Variants in CNTNAP2 observed in about 807,000 individuals in gnomAD.
The protein encoded by CNTNAP2 is contactin associated protein 2, also known as contactin-associated protein-like 2.
Under a neutral mutation model 155.2 loss-of-function variants are expected in CNTNAP2, and 98 were observed. That is an observed-to-expected ratio of 0.63 (90% confidence interval 0.54 to 0.75). The LOEUF is 0.75. Among genes scored for constraint, CNTNAP2 ranks in the 30% least tolerant of loss-of-function variants. The pLI, the probability that CNTNAP2 is intolerant of heterozygous loss-of-function variation, is 0.00. For synonymous variants in CNTNAP2, 651 were observed against 631.2 expected (o/e 1.03, Z -0.47); for missense variants, 1,727 against 1,688.1 (o/e 1.02, Z -0.40).
rs1353857088 is a variant in CNTNAP2, at chr7:146,190,185, C to A, written c.97+73212C>A. Among the ~76,000 whole-genome samples, 3 of 152,178 alleles carry A rather than the reference C, an allele frequency of 2.0e-5. No individual in the cohort carries two copies. In the East Asian group the frequency reaches 5.8e-4, roughly 29 times the overall value. On this transcript the variant is annotated intron_variant, in intron 1 of 23. Coordinates refer to ENST00000361727, the MANE Select transcript of CNTNAP2 (RefSeq NM_014141.6). Reference sequence around the variant, plus strand: ...TTCGTTTGTTAATTAGGAGACTGAACATTCATTTCTACTGCCTTTTATATG... The same window carrying A: ...TTCGTTTGTTAATTAGGAGACTGAAAATTCATTTCTACTGCCTTTTATATG...
At chr7:147,474,554 G>A (rs1164308097) in intron 10 of CNTNAP2, among the ~76,000 whole-genome samples, 1 of 152,008 alleles carries the variant, frequency 6.6e-6, no homozygotes, top group Non-Finnish European at 1.5e-5. Flanking sequence ...TTGCACTCCA[G>A]CCTGGGGAAC....
chr7:146,791,418 T>C lies in CNTNAP2; in HGVS notation c.208+17037T>C, dbSNP rs1336246567. Among the ~76,000 whole-genome samples, 7 of 152,226 alleles carry C rather than the reference T, an allele frequency of 4.6e-5. No homozygotes were observed. The East Asian group carries it at 1.3e-3, about 29-fold the overall frequency. ...ATAAACATACATGTGCATGTGTCTT[T>C]ATAGTAGAATGATTTATAATCCTTT... On this transcript the variant is annotated intron_variant, in intron 2 of 23. Transcript: ENST00000361727.
At chr7:147,823,519 C>G (rs569250957) in intron 13 of CNTNAP2, among the ~76,000 whole-genome samples, 1 of 152,038 alleles carries the variant, frequency 6.6e-6, no homozygotes, top group Non-Finnish European at 1.5e-5. Context: ...TATGAAGACA[C>G]GCGCCCTGAA....
chr7:146,976,593 T>C (rs1012716997), intron 3 of CNTNAP2, among the ~76,000 whole-genome samples: 1 of 152,190 alleles, frequency 6.6e-6, no homozygotes, highest in Non-Finnish European at 1.5e-5. Context: ...GGGTGAGGTA[T>C]GCAGGAAGGG....
intron 15 of CNTNAP2, among the ~76,000 whole-genome samples, chr7:148,095,884 C>T (rs550187707): frequency 1.1e-4 from 17 of 152,216 alleles, no homozygotes; most frequent in African/African-American, 3.9e-4. Context: ...CAGTGGAATG[C>T]TTTATTGCTC....
intron 21 of CNTNAP2, among the ~76,000 whole-genome samples, chr7:148,342,449 C>G (rs1206139937): frequency 6.6e-6 from 1 of 152,160 alleles, no homozygotes; most frequent in Non-Finnish European, 1.5e-5. Context: ...TTCTGTACTT[C>G]TTGTTAAGGC....
intron 3 of CNTNAP2, among the ~76,000 whole-genome samples, chr7:146,888,315 C>T (rs1451986281): frequency 1.3e-5 from 2 of 151,874 alleles, no homozygotes; most frequent in Non-Finnish European, 2.9e-5. Context: ...CTATTTTTTT[C>T]TCTCCAGAAT....
chr7:146,823,587 T>C lies in CNTNAP2; in HGVS notation c.209-16124T>C, dbSNP rs1246733984. On this transcript the variant is annotated intron_variant, in intron 2 of 23. Coordinates refer to ENST00000361727, the MANE Select transcript of CNTNAP2 (RefSeq NM_014141.6). ...TACATGGAAATATACCATTCTTCAG[T>C]ATATTTACATGGAAATATACTCATT... is the stretch of plus-strand genomic sequence containing the variant. 2.0e-5 allele frequency among the ~76,000 whole-genome samples: 3 copies of C among 149,124 alleles called. No individual in the cohort carries two copies. The East Asian group carries it at 6.1e-4, about 30-fold the overall frequency.
chr7:148,289,142 C>T (rs1797147300), intron 21 of CNTNAP2, among the ~76,000 whole-genome samples: 2 of 152,070 alleles, frequency 1.3e-5, no homozygotes, highest in Non-Finnish European at 1.5e-5. Context: ...TCAGCGCTCT[C>T]AGAAATTTCA....
intron 3 of CNTNAP2, among the ~76,000 whole-genome samples, chr7:146,946,018 G>A (rs893800482): frequency 7.9e-5 from 12 of 152,078 alleles, no homozygotes; most frequent in South Asian, 2.1e-4. Context: ...ACCTTTGGTG[G>A]GTTTTCTACC....
At chr7:147,557,709 A>C (rs1329983614) in intron 11 of CNTNAP2, among the ~76,000 whole-genome samples, 1 of 152,238 alleles carries the variant, frequency 6.6e-6, no homozygotes, top group Non-Finnish European at 1.5e-5. Flanking sequence ...CTGCATAAAA[A>C]AATGAAATAT....
Position 147,246,069 on chromosome 7 carries a change from C to CAT in CNTNAP2, c.1349-54060_1349-54059dup, listed in dbSNP as rs779461755. Among the ~76,000 whole-genome samples, 53 of 146,378 alleles carry CAT rather than the reference C, an allele frequency of 3.6e-4. 1 individual carries two copies. In the Middle Eastern group the frequency reaches 0.018, roughly 50 times the overall value. The stretch of plus-strand genomic sequence containing the variant: ...CATATATATATACACATATATATGG[C>CAT]ATATATATATATACATATATATGGC... On this transcript the variant is annotated intron_variant, in intron 8 of 23. Coordinates refer to ENST00000361727, the MANE Select transcript of CNTNAP2 (RefSeq NM_014141.6).
intron 9 of CNTNAP2, among the ~76,000 whole-genome samples, chr7:147,309,544 G>C (rs1795085877): frequency 6.6e-6 from 1 of 151,446 alleles, no homozygotes; most frequent in Non-Finnish European, 1.5e-5. Context: ...TTATTATTAT[G>C]TGATTATTTT....
In CNTNAP2 at chr7:146,729,076, A is replaced by AAT. The variant is rs1801480710; in HGVS notation, c.98-45195_98-45194insAT. Among the ~76,000 whole-genome samples the AAT allele has an allele frequency of 2.0e-5, 3 of 152,302 alleles. No individual in the cohort carries two copies. The South Asian group carries it at 6.2e-4, about 32-fold the overall frequency. ...TAGAAAATTAAACCCTCTGGGGCTG[A>AAT]TCCACGCGGAGCTCAGTTGAAGTAT... On this transcript the variant is annotated intron_variant, in intron 1 of 23. Coordinates refer to ENST00000361727, the MANE Select transcript of CNTNAP2 (RefSeq NM_014141.6).
chr7:148,327,132 T>A (rs1057251527), intron 21 of CNTNAP2, among the ~76,000 whole-genome samples: 55 of 152,012 alleles, frequency 3.6e-4, no homozygotes, highest in African/African-American at 1.3e-3. Context: ...TACCTACCAC[T>A]GAAAAGAATG....
chr7:148,047,236 C>A (rs1802790736), intron 15 of CNTNAP2, among the ~76,000 whole-genome samples: 1 of 152,172 alleles, frequency 6.6e-6, no homozygotes, highest in African/African-American at 2.4e-5. Context: ...AATACTGAAC[C>A]ATTGCCCCTA....
intron 1 of CNTNAP2, among the ~76,000 whole-genome samples, chr7:146,480,912 C>T (rs2129128457): frequency 6.6e-6 from 1 of 151,556 alleles, no homozygotes; most frequent in African/African-American, 2.4e-5. Flanking sequence ...TCGATCCTGA[C>T]CTCGTGATCC....
intron 1 of CNTNAP2, among the ~76,000 whole-genome samples, chr7:146,409,881 A>G (rs769008850): frequency 3.9e-5 from 6 of 152,180 alleles, no homozygotes; most frequent in Non-Finnish European, 8.8e-5. Flanking sequence ...TACCACTTCA[A>G]GGTCTCAGTA....
intron 11 of CNTNAP2, among the ~76,000 whole-genome samples, chr7:147,506,492 C>A (rs1418759881): frequency 6.6e-6 from 1 of 152,122 alleles, no homozygotes; most frequent in African/African-American, 2.4e-5. Context: ...CGACCTCAGG[C>A]AATCCACCTG....
Sources: gnomAD v4.1 joint callset for allele counts (sites outside exome capture counted in the v4.1 genomes callset) on GRCh38, gnomAD v4.1.1 for gene constraint, MANE v1.5 for transcripts, NCBI Gene and HGNC (gene_info 2026-07-23, HGNC 2026-07-21) for gene names.